Variants in CDYL observed in about 807,000 individuals in gnomAD.
CDYL encodes chromodomain Y like, also known as chromodomain Y-like protein.
A neutral mutation model predicts 47.3 loss-of-function variants in CDYL; 8 were observed. The observed-to-expected ratio is 0.17, with a 90% CI of 0.10 to 0.31. The LOEUF (loss-of-function observed/expected upper bound fraction) is 0.31, where lower values mean the gene tolerates loss of function less well. CDYL is among the 10% of genes least tolerant of loss of function. The pLI, the probability that CDYL is intolerant of heterozygous loss-of-function variation, is 1.00. For synonymous variants in CDYL, 266 were observed against 265.0 expected, an observed-to-expected ratio of 1.00 and a Z score of -0.04; for missense variants, 471 against 701.4, an observed-to-expected ratio of 0.67 and a Z score of 3.71.
intron 1 of CDYL, among the ~76,000 whole-genome samples, chr6:4,825,744 A>G (rs2127450951): frequency 6.6e-6 from 1 of 152,030 alleles, no homozygotes; most frequent in Admixed American, 6.6e-5. Flanking sequence ...GCCAATCCTC[A>G]TTATTCATGG....
At chr6:4,725,476 C>T (rs1394282522) in intron 2 of CDYL, among the ~76,000 whole-genome samples, 1 of 152,222 alleles carries the variant, frequency 6.6e-6, no homozygotes, top group African/African-American at 2.4e-5. Flanking sequence ...CCCTGCCCCG[C>T]TGGGAGGCCT....
intron 1 of CDYL, among the ~76,000 whole-genome samples, chr6:4,829,443 A>G (rs1391096937): frequency 6.6e-6 from 1 of 152,188 alleles, no homozygotes; most frequent in South Asian, 2.1e-4. Context: ...TAGTTTTTGC[A>G]TTTAACTCTG....
intron 3 of CDYL, among the ~76,000 whole-genome samples, chr6:4,745,908 G>T (rs1265049675): frequency 6.6e-6 from 1 of 152,188 alleles, no homozygotes. Flanking sequence ...GAAAGCATGT[G>T]TTCAGGGAAG....
intron 1 of CDYL, among the ~76,000 whole-genome samples, chr6:4,796,055 G>C (rs777011526): frequency 2.7e-4 from 41 of 152,144 alleles, no homozygotes; most frequent in Non-Finnish European, 5.4e-4. Context: ...TGCCTCCCAG[G>C]TTCAAGTGAT....
chr6:4,929,398 A>T (rs748251183), intron 2 of CDYL, among the ~76,000 whole-genome samples: 3 of 150,864 alleles, frequency 2.0e-5, no homozygotes, highest in African/African-American at 4.9e-5. Flanking sequence ...TGTATTTATC[A>T]TAGTTAGTAT....
chr6:4,709,854 A>G (rs1757117566), intron 1 of CDYL, among the ~76,000 whole-genome samples: 2 of 152,238 alleles, frequency 1.3e-5, no homozygotes, highest in Non-Finnish European at 2.9e-5. Context: ...AATATTTTAA[A>G]GAAATGAATA....
intron 2 of CDYL, among the ~76,000 whole-genome samples, chr6:4,935,134 A>G (rs1758149297): frequency 6.6e-6 from 1 of 152,182 alleles, no homozygotes; most frequent in Non-Finnish European, 1.5e-5. Context: ...TGACTCTAAT[A>G]ATAAGATGTT....
intron 1 of CDYL, among the ~76,000 whole-genome samples, chr6:4,810,424 T>A (rs1759496003): frequency 3.3e-5 from 5 of 152,222 alleles, no homozygotes; most frequent in Admixed American, 2.0e-4. Context: ...GTTAACTATG[T>A]CAGAGTTACT....
intron 1 of CDYL, among the ~76,000 whole-genome samples, chr6:4,843,396 A>G (rs1581206299): frequency 6.6e-6 from 1 of 151,930 alleles, no homozygotes; most frequent in Admixed American, 6.6e-5. Context: ...GTTTTCCTCA[A>G]TTATTCCCTC....
At chr6:4,903,265 A>T (rs1038331295) in intron 2 of CDYL, among the ~76,000 whole-genome samples, 1 of 152,266 alleles carries the variant, frequency 6.6e-6, no homozygotes, top group African/African-American at 2.4e-5. Context: ...GTACGTGCAC[A>T]TGTCCTTTTA....
intron 1 of CDYL, among the ~76,000 whole-genome samples, chr6:4,785,433 C>T (rs1758730533): frequency 6.6e-6 from 1 of 152,164 alleles, no homozygotes; most frequent in African/African-American, 2.4e-5. Context: ...TTGTTGGTAG[C>T]TTCCTAGTGT....
chr6:4,845,886 C>A (rs986693410), intron 1 of CDYL, among the ~76,000 whole-genome samples: 1 of 152,040 alleles, frequency 6.6e-6, no homozygotes, highest in African/African-American at 2.4e-5. Flanking sequence ...CCTTGTTCCA[C>A]GAGTTGAATG....
intron 1 of CDYL, among the ~76,000 whole-genome samples, chr6:4,885,894 T>C (rs1376940908): frequency 2.6e-5 from 4 of 152,188 alleles, no homozygotes; most frequent in African/African-American, 9.6e-5. Flanking sequence ...CCATTAGCTA[T>C]CATCTTCCTA....
upstream of CDYL, among the ~76,000 whole-genome samples, chr6:4,772,285 C>G (rs1758348659): frequency 6.6e-6 from 1 of 152,168 alleles, no homozygotes; most frequent in Non-Finnish European, 1.5e-5. Flanking sequence ...TGGCAGCTGG[C>G]TACTGGCTTC....
At chr6:4,824,763 T>A (rs1202137209) in intron 1 of CDYL, among the ~76,000 whole-genome samples, 1 of 152,166 alleles carries the variant, frequency 6.6e-6, no homozygotes, top group Non-Finnish European at 1.5e-5. Context: ...ATCCTTTGGG[T>A]GACATATCCA....
At chr6:4,752,103 A>C (rs1039742435) in intron 3 of CDYL, among the ~76,000 whole-genome samples, 1 of 152,216 alleles carries the variant, frequency 6.6e-6, no homozygotes, top group Non-Finnish European at 1.5e-5. Flanking sequence ...GTCTGGGGCA[A>C]TTAGCACAGG....
intron 3 of CDYL, among the ~76,000 whole-genome samples, chr6:4,740,632 CTTCTTTCTAATCT>C (rs1757780969): frequency 6.6e-6 from 1 of 152,074 alleles, no homozygotes; most frequent in African/African-American, 2.4e-5. Context: ...GAAGCCACAT[CTTCTTTCTAATCT>C]TTCTTTCTAA....
Position 4,734,775 on chromosome 6 carries a change from T to TG in CDYL, c.120dup (p.Pro41AlafsTer11), listed in dbSNP as rs1561830216. ...ATTCTGTGCTAGTGTCAGCACCAGA[T>TG]GGGCCTTCAGACCCCAGCATCTCCG... On this transcript the variant is annotated frameshift_variant, in exon 3 of 9. Coordinates refer to the CDYL transcript ENST00000328908. LOFTEE classifies it high-confidence loss of function. 2 of 1,614,100 alleles carry TG rather than the reference T, an allele frequency of 1.2e-6. No homozygotes were observed. The highest frequency in any genetic ancestry group is 3.3e-5 in the Admixed American group (2 of 60,008).
At chr6:4,747,436 T>C (rs958757883) in intron 3 of CDYL, among the ~76,000 whole-genome samples, 8 of 152,314 alleles carry the variant, frequency 5.3e-5, no homozygotes, top group Middle Eastern at 3.4e-3. Flanking sequence ...TTTATTTATT[T>C]ATGTATTTGT....
Sources: allele counts gnomAD v4.1 joint callset (sites outside exome capture counted in the v4.1 genomes callset), GRCh38; gene constraint gnomAD v4.1.1; transcripts MANE v1.5; gene names NCBI Gene and HGNC (gene_info 2026-07-23, HGNC 2026-07-21).